XRCC6: variants seen among roughly 807,000 people sequenced by gnomAD.
The protein encoded by XRCC6 is X-ray repair cross complementing 6.
A neutral mutation model predicts 65.7 loss-of-function variants in XRCC6; 5 were observed. The observed-to-expected ratio is 0.08, with a 90% CI of 0.04 to 0.16. The LOEUF (loss-of-function observed/expected upper bound fraction) is 0.16. XRCC6 is among the 10% of genes least tolerant of loss of function. The pLI, the probability that XRCC6 is intolerant of heterozygous loss-of-function variation, is 1.00. For synonymous variants in XRCC6, 270 were observed against 270.6 expected (o/e 1.00, Z 0.02); for missense variants, 447 against 738.1 (o/e 0.61, Z 4.57).
chr22:41,636,601 C>G lies in XRCC6; in HGVS notation c.420C>G (p.Asp140Glu). ...RFQDMMGHGS[D>E]YSLSEVLWVC... ...AAGACATGATGGGCCACGGATCTGACTACTCACTCAGTGAAGTGCTGTGGG... is the reference window on the plus strand; with the variant it reads ...AAGACATGATGGGCCACGGATCTGAGTACTCACTCAGTGAAGTGCTGTGGG... Residue 140 changes from aspartate (D) to glutamate (E), a missense_variant, in exon 5 of 13, where the codon GAC becomes GAG. By Grantham distance (45) the Asp-to-Glu change is conservative. Around this residue, in one of 4 missense-constraint regions of XRCC6, gnomAD observed 228 missense variants for 307.4 expected, o/e 0.74. Coordinates refer to ENST00000360079, the MANE Select transcript of XRCC6 (RefSeq NM_001469.5). 6.2e-7 allele frequency: 1 copy of G among 1,614,066 alleles called. No homozygotes were observed. The highest frequency in any genetic ancestry group is 8.5e-7 in the Non-Finnish European group (1 of 1,179,968).
chr22:41,648,672 A>C (rs2067960438), intron 7 of XRCC6, among the ~76,000 whole-genome samples: 1 of 152,166 alleles, frequency 6.6e-6, no homozygotes. Flanking sequence ...GAAGAATCTG[A>C]GATTTTACAT....
At chr22:41,645,432 A>G (rs140408942) in intron 6 of XRCC6, among the ~76,000 whole-genome samples, 1 of 152,238 alleles carries the variant, frequency 6.6e-6, no homozygotes, top group East Asian at 1.9e-4. Flanking sequence ...TTAGGGTGCC[A>G]TTATGAGAAG....
intron 3 of XRCC6, among the ~76,000 whole-genome samples, chr22:41,632,042 C>G (rs1406571749): frequency 4.6e-5 from 7 of 151,956 alleles, no homozygotes; most frequent in Non-Finnish European, 1.0e-4. Context: ...GCAGGAGAAT[C>G]AGGCAGGGAG....
At chr22:41,625,656 A>C (rs942458324) in intron 2 of XRCC6, among the ~76,000 whole-genome samples, 2 of 152,066 alleles carry the variant, frequency 1.3e-5, no homozygotes, top group Non-Finnish European at 2.9e-5. Flanking sequence ...GACTCTGTTA[A>C]TCTACACCAA....
chr22:41,651,634 T>G (rs2067998536), intron 8 of XRCC6, among the ~76,000 whole-genome samples: 2 of 151,292 alleles, frequency 1.3e-5, no homozygotes, highest in Admixed American at 6.6e-5. Flanking sequence ...TTCAAACGAT[T>G]CTCCTTCCTC....
At chr22:41,653,425 A>T in intron 8 of XRCC6, 104 bp from the exon 9 acceptor site, 3 of 1,091,488 alleles carry the variant, frequency 2.7e-6, no homozygotes, top group Non-Finnish European at 2.6e-6. Flanking sequence ...TAATAAAATT[A>T]AAATAAGCCC....
intron 6 of XRCC6, among the ~76,000 whole-genome samples, chr22:41,642,658 T>G (rs2067891121): frequency 6.6e-6 from 1 of 152,214 alleles, no homozygotes; most frequent in African/African-American, 2.4e-5. Flanking sequence ...TAGATTGCTT[T>G]GGGTAGTCTG....
rs774649586 is a variant in XRCC6 at position 41,638,055 on chromosome 22, TAACTC to T, written c.773+265_773+269del. 1.0e-3 allele frequency among the ~76,000 whole-genome samples: 153 copies of T among 152,262 alleles called. 1 individual carries two copies. The highest frequency in any genetic ancestry group is 1.3e-3 in the Non-Finnish European group (91 of 68,026). On this transcript the variant is annotated intron_variant, in intron 6 of 12. Coordinates refer to ENST00000360079, the MANE Select transcript of XRCC6 (RefSeq NM_001469.5). ...CATTGCTCTGACCTGACTGGCTACT[TAACTC>T]GACTATGCCACTGCCTCACTGTCTT...
chr22:41,655,492 GT>G lies in XRCC6; in HGVS notation c.1292-1410del, dbSNP rs373309272. Among the ~76,000 whole-genome samples the G allele has an allele frequency of 1.2e-3, 185 of 152,142 alleles. 1 individual carries two copies. The highest frequency in any genetic ancestry group is 4.2e-3 in the African/African-American group (175 of 41,532). ...GGATGCCAAGGTGGCGGATCACGAT[GT>G]CAGGAGATTGAGACCATCCTGGCTA... On this transcript the variant is annotated intron_variant, in intron 9 of 12. Coordinates refer to ENST00000360079, the MANE Select transcript of XRCC6 (RefSeq NM_001469.5).
chr22:41,648,007 T>C (rs901187351), intron 7 of XRCC6: 3 of 141,758 alleles, frequency 2.1e-5, no homozygotes, highest in Non-Finnish European at 3.1e-5. Flanking sequence ...TTTTCTTTTT[T>C]CTCTCTCCGA....
At chr22:41,657,627 C>G (rs779374392) in intron 10 of XRCC6, among the ~76,000 whole-genome samples, 1 of 151,492 alleles carries the variant, frequency 6.6e-6, no homozygotes, top group Non-Finnish European at 1.5e-5. Context: ...TCAGGTGATT[C>G]TCCCACCTCA....
At chr22:41,628,408 A>C in intron 3 of XRCC6, 178 bp downstream of exon 3, 1 of 488,638 alleles carries the variant, frequency 2.0e-6, no homozygotes, top group Non-Finnish European at 3.6e-6. Flanking sequence ...AAATACACAA[A>C]TCATCCAGGT....
At chr22:41,625,779 T>C (rs1462514836) in intron 2 of XRCC6, among the ~76,000 whole-genome samples, 1 of 152,192 alleles carries the variant, frequency 6.6e-6, no homozygotes, top group East Asian at 1.9e-4. Context: ...CAGTGAGCTA[T>C]GATTGCGCCA....
At chr22:41,637,440 A>G (rs2067821407) in intron 5 of XRCC6, among the ~76,000 whole-genome samples, 168 bp from the exon 6 acceptor site, 1 of 152,138 alleles carries the variant, frequency 6.6e-6, no homozygotes, top group Admixed American at 6.6e-5. Flanking sequence ...AGTTGTCTGA[A>G]GTCATTATAG....
At chr22:41,624,972 G>T (rs1242076807) in intron 2 of XRCC6, among the ~76,000 whole-genome samples, 1 of 152,024 alleles carries the variant, frequency 6.6e-6, no homozygotes, top group African/African-American at 2.4e-5. Flanking sequence ...TCTCCAGCCT[G>T]GGCGACAGAG....
chr22:41,637,863 A>G lies in XRCC6; in HGVS notation c.773+72A>G, dbSNP rs1601538103. 4 of 1,489,426 alleles carry G rather than the reference A, an allele frequency of 2.7e-6. No individual in the cohort carries two copies. The East Asian group carries it at 9.8e-5, about 37-fold the overall frequency. The allele number at this position is 1,489,426 out of a possible 1,614,324, so 92.3% of individuals were successfully genotyped here. ...AAGCAGGCTGGGCGCGGTGGCTCACACCTGTAATCCCAACAGTTTGGGAGG... is the reference window on the plus strand; with the variant it reads ...AAGCAGGCTGGGCGCGGTGGCTCACGCCTGTAATCCCAACAGTTTGGGAGG... On this transcript the variant is annotated intron_variant, in intron 6 of 12. Transcript: ENST00000360079.
chr22:41,641,356 C>T (rs132778), intron 6 of XRCC6, among the ~76,000 whole-genome samples: 151,567 of 152,322 alleles, frequency 1, 75,412 homozygotes, highest in East Asian at 1. Context: ...GGTGTATATA[C>T]TTATAGGATC....
chr22:41,652,897 C>T (rs1429314780), intron 8 of XRCC6, among the ~76,000 whole-genome samples: 2 of 151,890 alleles, frequency 1.3e-5, no homozygotes, highest in Non-Finnish European at 2.9e-5. Context: ...TGGTCTCGAA[C>T]TCCTGACCTT....
intron 7 of XRCC6, among the ~76,000 whole-genome samples, chr22:41,650,179 A>C (rs1464551286): frequency 6.6e-6 from 1 of 151,810 alleles, no homozygotes; most frequent in African/African-American, 2.4e-5. Flanking sequence ...ATCTTGGCAC[A>C]CTGCATCCTC....
Sources: gnomAD v4.1 joint callset for allele counts (sites outside exome capture counted in the v4.1 genomes callset) on GRCh38, gnomAD v4.1.1 for gene constraint, gnomAD v4.1.1 regional missense constraint, MANE v1.5 for transcripts, NCBI Gene and HGNC (gene_info 2026-07-23, HGNC 2026-07-21) for gene names.